The following JAM3 variants were observed in gnomAD, a reference collection of about 807,000 sequenced individuals.
JAM3 encodes junctional adhesion molecule C.
A neutral mutation model predicts 39.4 loss-of-function variants in JAM3; 31 were observed. The ratio of observed to expected loss-of-function variants is 0.79; its 90% CI spans 0.59 to 1.06. The LOEUF is 1.06. Ranked by LOEUF, JAM3 falls within the 50% of genes least tolerant of loss-of-function variation. JAM3 has a pLI of 0.00. For synonymous variants in JAM3, 182 were observed against 148.7 expected (o/e 1.22, Z -1.63); for missense variants, 455 against 391.4 (o/e 1.16, Z -1.37).
chr11:134,123,381 C>T (rs1041871012), intron 1 of JAM3, among the ~76,000 whole-genome samples: 9 of 150,980 alleles, frequency 6.0e-5, no homozygotes, highest in African/African-American at 2.2e-4. Flanking sequence ...ACCACCACCC[C>T]CCCCCCCCCA....
rs995256940 is a variant in JAM3, at chr11:134,149,405, G to A, written c.*224G>A. On this transcript the variant is annotated 3_prime_UTR_variant, in exon 9 of 9. Transcript: ENST00000299106. Reference sequence around the variant, plus strand: ...CCGGTAAATATAACCACAAGGAAGCGAAACTGGGTGCGTTCACTGAGTTGG... The same window carrying A: ...CCGGTAAATATAACCACAAGGAAGCAAAACTGGGTGCGTTCACTGAGTTGG... 6.3e-5 allele frequency: 39 copies of A among 620,086 alleles called. No homozygotes were observed. Among genetic ancestry groups the A allele is most frequent in the South Asian group, 5.1e-4 (27 of 52,772 alleles). The allele number at this position is 620,086 out of a possible 1,614,324, so 38.4% of individuals were successfully genotyped here.
intron 1 of JAM3, among the ~76,000 whole-genome samples, chr11:134,137,663 T>C (rs1322670677): frequency 2.0e-5 from 3 of 151,628 alleles, no homozygotes; most frequent in Non-Finnish European, 2.9e-5. Flanking sequence ...AGTGGTGGTG[T>C]CTCGTCTAAG....
intron 1 of JAM3, among the ~76,000 whole-genome samples, chr11:134,094,314 A>G (rs1481407940): frequency 7.9e-6 from 1 of 126,440 alleles, no homozygotes; most frequent in African/African-American, 3.1e-5. Context: ...CTTATTCATC[A>G]TGTTCCACCT....
At chr11:134,130,012 A>G (rs988033377) in intron 1 of JAM3, among the ~76,000 whole-genome samples, 1 of 149,864 alleles carries the variant, frequency 6.7e-6, no homozygotes, top group African/African-American at 2.5e-5. Context: ...CAAAAAAAAA[A>G]GTCAGTAAGA....
chr11:134,141,856 TGC>T lies in JAM3; in HGVS notation c.256+1087_256+1088del, dbSNP rs1942978906. 8.6e-5 allele frequency among the ~76,000 whole-genome samples: 13 copies of T among 151,976 alleles called. 1 individual carries two copies. In the South Asian group the frequency reaches 2.7e-3, roughly 32 times the overall value. ...TGCAGGAGGTACACATGCAGGCTCGTGCATGAGTCGGAGCCTGTGGAGTTCTC... is the reference window on the plus strand; with the variant it reads ...TGCAGGAGGTACACATGCAGGCTCGTATGAGTCGGAGCCTGTGGAGTTCTC... On this transcript the variant is annotated intron_variant, in intron 3 of 8. Coordinates refer to ENST00000299106, the MANE Select transcript of JAM3 (RefSeq NM_032801.5).
At position 134,144,274 on chromosome 11, in the gene JAM3, A is replaced by C. The variant is rs780997837; in HGVS notation, c.290A>C (p.Lys97Thr). ...GCGGGTCGTGCAGAAATACTGGGGA[A>C]GACATCCCTGAAGATCTGGAATGTG... ...DLAGRAEILG[K>T]TSLKIWNVTR... The change falls in exon 4 of 9, where the codon AAG (lysine) becomes ACG (threonine). Residue 97 changes from lysine to threonine, a missense_variant. Lys to Thr is a moderately conservative substitution (Grantham distance 78, BLOSUM62 -1). Coordinates refer to ENST00000299106, the MANE Select transcript of JAM3 (RefSeq NM_032801.5). 4.3e-6 allele frequency: 7 copies of C among 1,614,204 alleles called. No homozygotes were observed. The Admixed American group carries it at 1.0e-4, about 23-fold the overall frequency.
intron 8 of JAM3, 152 bp from the exon 9 acceptor site, chr11:134,148,994 A>G: frequency 1.0e-6 from 1 of 985,952 alleles, no homozygotes; most frequent in East Asian, 2.5e-5. Context: ...ACACACACAC[A>G]CTAATGGGAT....
chr11:134,112,925 A>C (rs658544), intron 1 of JAM3, among the ~76,000 whole-genome samples: 60,088 of 152,026 alleles, frequency 0.4, 12,929 homozygotes, highest in African/African-American at 0.58. Context: ...AGAGAAAGTT[A>C]TATATGCTGT....
rs1258899685 is a variant in JAM3, at chr11:134,147,475, AAAAC to A, written c.713-1071_713-1068del. On this transcript the variant is annotated intron_variant, in intron 6 of 8. Transcript: ENST00000299106. ...ACTCTGTCTCAAAAAAAAAAAAAAA[AAAAC>A]GATTGCAAGTTTACTTTTTGTTTTT... Among the ~76,000 whole-genome samples, 1,380 of 145,922 alleles carry A rather than the reference AAAAC, an allele frequency of 9.5e-3. 14 individuals carry two copies. The highest frequency in any genetic ancestry group is 0.021 in the Middle Eastern group (6 of 290).
chr11:134,118,036 C>G (rs1472439301), intron 1 of JAM3, among the ~76,000 whole-genome samples: 1 of 152,188 alleles, frequency 6.6e-6, no homozygotes, highest in Non-Finnish European at 1.5e-5. Flanking sequence ...TAATCACATG[C>G]AAATAGTGTT....
At chr11:134,087,169 C>G (rs1349138835) in intron 1 of JAM3, among the ~76,000 whole-genome samples, 1 of 151,950 alleles carries the variant, frequency 6.6e-6, no homozygotes, top group Non-Finnish European at 1.5e-5. Context: ...ATGTAATGTC[C>G]TGAGATTATT....
At position 134,151,842 on chromosome 11, in the gene JAM3, G is replaced by A. The variant is rs1943247134; in HGVS notation, c.*2661G>A. 1 of 132,144 alleles carries A rather than the reference G, an allele frequency of 7.6e-6. No homozygotes were observed. Among genetic ancestry groups the A allele is most frequent in the African/African-American group, 2.5e-5 (1 of 39,876 alleles). The allele number at this position is 132,144 out of a possible 1,614,324, so 8.2% of individuals were successfully genotyped here. A position where few individuals can be genotyped will look rare whatever the true frequency, so the allele number is the denominator to read the frequency against. On this transcript the variant is annotated 3_prime_UTR_variant, in exon 9 of 9. Coordinates refer to ENST00000299106, the MANE Select transcript of JAM3 (RefSeq NM_032801.5). ...GTGGTTAGGCATGCACACTAAAAAT[G>A]CTATCAATCACCCATCCACCAGGGA...
intron 3 of JAM3, among the ~76,000 whole-genome samples, 183 bp downstream of exon 3, chr11:134,140,953 A>T (rs1447142808): frequency 6.6e-6 from 1 of 151,858 alleles, no homozygotes; most frequent in Non-Finnish European, 1.5e-5. Context: ...TGCAAATGGT[A>T]TATCAAGCCT....
intron 1 of JAM3, among the ~76,000 whole-genome samples, chr11:134,112,243 C>A (rs760506387): frequency 6.6e-6 from 1 of 152,108 alleles, no homozygotes; most frequent in Non-Finnish European, 1.5e-5. Flanking sequence ...TGCACCACCA[C>A]GCCCAGCTCA....
At chr11:134,108,502 G>A (rs778790968) in intron 1 of JAM3, among the ~76,000 whole-genome samples, 7 of 152,094 alleles carry the variant, frequency 4.6e-5, no homozygotes, top group African/African-American at 7.2e-5. Context: ...AATTTCCCTC[G>A]TGAACATAGA....
chr11:134,105,104 A>G (rs879708873), intron 1 of JAM3, among the ~76,000 whole-genome samples: 16 of 152,374 alleles, frequency 1.1e-4, no homozygotes, highest in Non-Finnish European at 1.9e-4. Flanking sequence ...AAAATCCTCA[A>G]TAAAATACTG....
chr11:134,112,808 T>G (rs1391065031), intron 1 of JAM3, among the ~76,000 whole-genome samples: 1 of 152,176 alleles, frequency 6.6e-6, no homozygotes, highest in Non-Finnish European at 1.5e-5. Context: ...GATAGCTGCC[T>G]TCATGTCGTG....
At chr11:134,097,563 C>T (rs1683649080) in intron 1 of JAM3, among the ~76,000 whole-genome samples, 1 of 152,106 alleles carries the variant, frequency 6.6e-6, no homozygotes, top group South Asian at 2.1e-4. Context: ...AGCAGGCTGA[C>T]TTCTGGTTGT....
Position 134,123,911 on chromosome 11 carries a change from A to G in JAM3, c.77-15940A>G, listed in dbSNP as rs183122290. 35 of 1,145,454 alleles carry G rather than the reference A, an allele frequency of 3.1e-5. No individual in the cohort carries two copies. In the Admixed American group the frequency reaches 4.7e-4, roughly 15 times the overall value. 71.0% of individuals were successfully genotyped at this position (1,145,454 alleles called of 1,614,324 possible). ...TCTCCAAGTAAAGCAGCTGTTTGGA[A>G]TTGAAGGCCCCCCTTCTTTTTTGTG... On this transcript the variant is annotated intron_variant, in intron 1 of 8. Transcript: ENST00000299106.
Sources: allele counts gnomAD v4.1 joint callset (sites outside exome capture counted in the v4.1 genomes callset), GRCh38; gene constraint gnomAD v4.1.1; transcripts MANE v1.5; gene names NCBI Gene and HGNC (gene_info 2026-07-23, HGNC 2026-07-21).